VTI1A: variants seen among roughly 807,000 people sequenced by gnomAD.
VTI1A encodes vesicle transport through interaction with t-SNAREs 1A.
VTI1A carries 22 observed loss-of-function variants against 34.9 expected under a neutral mutation model. The observed-to-expected ratio is 0.63, with a 90% confidence interval of 0.45 to 0.90. VTI1A has a LOEUF of 0.90. VTI1A is among the 40% of genes least tolerant of loss of function. The pLI is 0.00. For missense variants in VTI1A, 268 were observed against 275.6 expected (o/e 0.97, Z 0.20); for synonymous variants, 87 against 97.3 (o/e 0.89, Z 0.62).
chr10:112,815,177 C>CA, intron 7 of VTI1A, 113 bp from the exon 8 acceptor site: 3 of 343,866 alleles, frequency 8.7e-6, no homozygotes, highest in African/African-American at 4.9e-5. Flanking sequence ...ACACACGCTC[C>CA]CCACCCCCAC....
chr10:112,536,647 A>G (rs987572412), intron 4 of VTI1A, among the ~76,000 whole-genome samples: 1 of 151,308 alleles, frequency 6.6e-6, no homozygotes, highest in Non-Finnish European at 1.5e-5. Context: ...TGTACATTGG[A>G]CGACTCTATT....
chr10:112,582,038 A>G (rs1843967012), intron 5 of VTI1A, among the ~76,000 whole-genome samples: 1 of 152,196 alleles, frequency 6.6e-6, no homozygotes, highest in Non-Finnish European at 1.5e-5. Flanking sequence ...TCAGGCTACC[A>G]TAACAGAATA....
intron 7 of VTI1A, among the ~76,000 whole-genome samples, chr10:112,720,165 A>G (rs1849750825): frequency 6.6e-6 from 1 of 152,256 alleles, no homozygotes; most frequent in Admixed American, 6.5e-5. Flanking sequence ...CAATGCTGTC[A>G]TGGACATTTA....
intron 5 of VTI1A, among the ~76,000 whole-genome samples, chr10:112,650,461 A>ATT (rs34487277): frequency 1.5e-4 from 22 of 151,254 alleles, no homozygotes; most frequent in East Asian, 5.8e-4. Flanking sequence ...TACTCTTCAC[A>ATT]TTTTTTTTTA....
chr10:112,560,874 G>A, intron 5 of VTI1A, among the ~76,000 whole-genome samples: 1 of 152,050 alleles, frequency 6.6e-6, no homozygotes, highest in Admixed American at 6.5e-5. Flanking sequence ...TGGGATTACA[G>A]GCGTGAGCCA....
intron 7 of VTI1A, among the ~76,000 whole-genome samples, chr10:112,782,439 G>A (rs1852160322): frequency 6.6e-6 from 1 of 152,274 alleles, no homozygotes; most frequent in South Asian, 2.1e-4. Context: ...TCCTTGAGGA[G>A]AAGATAGGAC....
At chr10:112,577,963 C>T (rs894450264) in intron 5 of VTI1A, among the ~76,000 whole-genome samples, 5 of 152,194 alleles carry the variant, frequency 3.3e-5, no homozygotes, top group East Asian at 1.9e-4. Context: ...GGGTTAATAA[C>T]GCTTATCCGA....
At chr10:112,584,642 TC>T (rs1236429625) in intron 5 of VTI1A, among the ~76,000 whole-genome samples, 22 of 152,240 alleles carry the variant, frequency 1.4e-4, no homozygotes, top group Non-Finnish European at 4.4e-5. Context: ...AAACTAAGCT[TC>T]TCAGATCAGA....
At chr10:112,597,316 C>G (rs1370203112) in intron 5 of VTI1A, among the ~76,000 whole-genome samples, 1 of 152,140 alleles carries the variant, frequency 6.6e-6, no homozygotes, top group Non-Finnish European at 1.5e-5. Context: ...CTCCTGGGTT[C>G]AAGCGATTCT....
At chr10:112,745,196 G>A (rs977538228) in intron 7 of VTI1A, among the ~76,000 whole-genome samples, 1 of 151,210 alleles carries the variant, frequency 6.6e-6, no homozygotes, top group African/African-American at 2.4e-5. Flanking sequence ...TAGGAAGAGG[G>A]TTAACTTCTT....
intron 7 of VTI1A, among the ~76,000 whole-genome samples, chr10:112,751,144 T>C (rs1371097174): frequency 4.6e-5 from 7 of 152,220 alleles, no homozygotes; most frequent in Non-Finnish European, 7.3e-5. Flanking sequence ...ATAACGTCAG[T>C]GCTTGAGCTA....
chr10:112,746,926 C>T (rs1211713587), intron 7 of VTI1A, among the ~76,000 whole-genome samples: 1 of 152,194 alleles, frequency 6.6e-6, no homozygotes, highest in South Asian at 2.1e-4. Flanking sequence ...AGAATGTTTA[C>T]AGTCCTTATC....
chr10:112,816,920 T>G lies in VTI1A; in HGVS notation c.*1537T>G, dbSNP rs970770724. On this transcript the variant is annotated 3_prime_UTR_variant, in exon 8 of 8. Coordinates refer to ENST00000393077, the MANE Select transcript of VTI1A (RefSeq NM_145206.4). ...CGAAACAGGCCAAGGCCTGCATGTG[T>G]TCGGATAAATCATTTAGTATTGTGT... 12 of 230,682 alleles carry G rather than the reference T, an allele frequency of 5.2e-5. No individual in the cohort carries two copies. The highest frequency in any genetic ancestry group is 1.1e-4 in the Admixed American group (2 of 17,682). The allele number at this position is 230,682 out of a possible 1,614,324, so 14.3% of individuals were successfully genotyped here.
At position 112,595,748 on chromosome 10, in the gene VTI1A, G is replaced by GGGATCTAGAACTAGAAA. The variant is rs570077662; in HGVS notation, c.427+57418_427+57419insGGATCTAGAACTAGAAA. ...ACTAGTTCAACCATTGTGGAAGTCA[G>GGGATCTAGAACTAGAAA]TGTGGCGATTCCTCAGGGATCTAGA... On this transcript the variant is annotated intron_variant, in intron 5 of 7. Coordinates refer to ENST00000393077, the MANE Select transcript of VTI1A (RefSeq NM_145206.4). Among the ~76,000 whole-genome samples, 1,137 of 151,798 alleles carry GGGATCTAGAACTAGAAA rather than the reference G, an allele frequency of 7.5e-3. 23 individuals carry two copies. The highest frequency in any genetic ancestry group is 0.027 in the African/African-American group (1,098 of 41,242).
At chr10:112,477,304 T>A (rs183581342) in intron 3 of VTI1A, among the ~76,000 whole-genome samples, 172 of 152,332 alleles carry the variant, frequency 1.1e-3, no homozygotes, top group African/African-American at 3.7e-3. Context: ...TTAAAAAGCC[T>A]TTGCTAGAAA....
intron 7 of VTI1A, chr10:112,677,899 A>T (rs891843692): frequency 6.6e-6 from 1 of 152,242 alleles, no homozygotes; most frequent in Non-Finnish European, 1.5e-5. Context: ...ACTGCTGGTC[A>T]GGAGCCTCCT....
In VTI1A at chr10:112,806,487, T is replaced by C. The variant is rs370138747; in HGVS notation, c.561-8803T>C. On this transcript the variant is annotated intron_variant, in intron 7 of 7. Transcript: ENST00000393077. ...TTTTAGTAGAGATGGGATTTTACCATGTTGGCCAGGCTGGTCTCAAACTCC... is the reference window on the plus strand; with the variant it reads ...TTTTAGTAGAGATGGGATTTTACCACGTTGGCCAGGCTGGTCTCAAACTCC... Among the ~76,000 whole-genome samples the C allele has an allele frequency of 3.3e-5, 5 of 151,834 alleles. No individual in the cohort carries two copies. In the East Asian group the frequency reaches 9.7e-4, roughly 30 times the overall value.
chr10:112,732,218 G>A (rs1850289749), intron 7 of VTI1A, among the ~76,000 whole-genome samples: 1 of 152,134 alleles, frequency 6.6e-6, no homozygotes, highest in African/African-American at 2.4e-5. Flanking sequence ...GATGTGCTGG[G>A]TTCTAGGGAA....
intron 5 of VTI1A, among the ~76,000 whole-genome samples, chr10:112,643,827 C>T (rs1028005515): frequency 6.4e-4 from 98 of 152,258 alleles, no homozygotes; most frequent in African/African-American, 2.3e-3. Flanking sequence ...TGACATTGAA[C>T]ATTGCATAGC....
Sources: allele counts gnomAD v4.1 joint callset (sites outside exome capture counted in the v4.1 genomes callset), GRCh38; gene constraint gnomAD v4.1.1; transcripts MANE v1.5; gene names NCBI Gene and HGNC (gene_info 2026-07-23, HGNC 2026-07-21).